Variants in ADSL observed in about 807,000 individuals in gnomAD.
ADSL encodes the protein adenylosuccinase.
A neutral mutation model predicts 62.1 loss-of-function variants in ADSL; 44 were observed. That is an observed-to-expected ratio of 0.71 (90% CI 0.56 to 0.91). The LOEUF is 0.91. Among genes scored for constraint, ADSL ranks in the 40% least tolerant of loss-of-function variants. The pLI, the probability that ADSL is intolerant of heterozygous loss-of-function variation, is 0.00. For synonymous variants in ADSL, 198 were observed against 220.5 expected (o/e 0.90, Z 0.90); for missense variants, 531 against 627.4 (o/e 0.85, Z 1.64).
In ADSL at chr22:40,360,962, A is replaced by G. The variant is rs1400947841; in HGVS notation, c.793-311A>G. ...GTGATCCACCCACCTCAGCCTCCCA[A>G]AATGCTGGGATTACAGGTGTGAGCC... On this transcript the variant is annotated intron_variant, in intron 7 of 12. Coordinates refer to ENST00000623063, the MANE Select transcript of ADSL (RefSeq NM_000026.4). 1.5e-5 allele frequency: 6 copies of G among 406,204 alleles called. No homozygotes were observed. The East Asian group carries it at 3.4e-4, about 23-fold the overall frequency. The allele number at this position is 406,204 out of a possible 1,614,324, so 25.2% of individuals were successfully genotyped here.
intron 4 of ADSL, among the ~76,000 whole-genome samples, chr22:40,356,831 G>A (rs931581721): frequency 1.3e-5 from 2 of 152,140 alleles, no homozygotes; most frequent in African/African-American, 2.4e-5. Context: ...GTGACAGAGT[G>A]AGACCCTGTC....
intron 12 of ADSL, among the ~76,000 whole-genome samples, chr22:40,366,127 T>C (rs2044995874): frequency 6.6e-6 from 1 of 151,856 alleles, no homozygotes; most frequent in African/African-American, 2.4e-5. Context: ...GGTGGCTACT[T>C]GAAGAGGGCT....
At chr22:40,351,183 T>G (rs1044514110) in intron 2 of ADSL, among the ~76,000 whole-genome samples, 7 of 151,902 alleles carry the variant, frequency 4.6e-5, no homozygotes, top group Middle Eastern at 3.2e-3. Flanking sequence ...TTTTTTTTTT[T>G]TTTGGAGACA....
intron 2 of ADSL, among the ~76,000 whole-genome samples, chr22:40,376,705 A>G (rs1039288861): frequency 8.5e-5 from 12 of 141,970 alleles, no homozygotes; most frequent in South Asian, 4.3e-4. Context: ...GTAATTTGCT[A>G]AAGATTGGTG....
chr22:40,357,775 C>CT (rs879780431), intron 4 of ADSL, among the ~76,000 whole-genome samples: 66 of 151,966 alleles, frequency 4.3e-4, no homozygotes, highest in African/African-American at 1.2e-3. Flanking sequence ...AATCTTGTTT[C>CT]TTTTTTTTCA....
At chr22:40,372,733 A>T (rs531713304), downstream of ADSL, 1 of 152,290 alleles carries the variant, frequency 6.6e-6, no homozygotes, top group South Asian at 2.1e-4. Context: ...CCTGGAGTGG[A>T]TGTAGGAACA....
At chr22:40,359,095 C>T in intron 5 of ADSL, 60 bp downstream of exon 5, 1 of 1,606,476 alleles carries the variant, frequency 6.2e-7, no homozygotes, top group Non-Finnish European at 8.5e-7. Flanking sequence ...AGAGACAAGG[C>T]TGCCTTTGAG....
chr22:40,356,032 CAA>C (rs1212379585), intron 4 of ADSL, among the ~76,000 whole-genome samples: 16 of 55,308 alleles, frequency 2.9e-4, no homozygotes, highest in Admixed American at 4.2e-4. Context: ...ACTAAAAATA[CAA>C]AAAAAAAAAA....
intron 2 of ADSL, among the ~76,000 whole-genome samples, chr22:40,350,815 T>A (rs1183209128): frequency 6.6e-6 from 1 of 151,860 alleles, no homozygotes. Flanking sequence ...AGAGAGGGGT[T>A]TTGCCATGTT....
rs570612958 is a variant in ADSL at position 40,368,272 on chromosome 22, A to G, written c.*1750A>G. The G allele has an allele frequency of 2.0e-5, 3 of 152,302 alleles. No individual in the cohort carries two copies. In the South Asian group the frequency reaches 6.2e-4, roughly 32 times the overall value. 9.4% of individuals were successfully genotyped at this position (152,302 alleles called of 1,614,324 possible). ...CTACACTCAATCCCCCAGGTCAGGC[A>G]GAAGCTGGAAGACTGCCTCGTTAGG... On this transcript the variant is annotated 3_prime_UTR_variant, in exon 13 of 13. Coordinates refer to ENST00000623063, the MANE Select transcript of ADSL (RefSeq NM_000026.4).
chr22:40,372,870 T>C (rs2146718299), downstream of ADSL: 1 of 152,374 alleles, frequency 6.6e-6, no homozygotes, highest in South Asian at 2.1e-4. Flanking sequence ...CAGTTTCATC[T>C]GCTTACTCTC....
intron 6 of ADSL, 138 bp downstream of exon 6, chr22:40,359,444 A>G (rs1247041338): frequency 1.9e-6 from 1 of 532,760 alleles, no homozygotes; most frequent in Non-Finnish European, 3.3e-6. Flanking sequence ...TCCTGTCTCT[A>G]TCCTGGGTTT....
Position 40,346,626 on chromosome 22 carries a change from GC to G in ADSL, c.71del (p.Pro24ArgfsTer42). 1 of 1,611,156 alleles carries G rather than the reference GC, an allele frequency of 6.2e-7. No individual in the cohort carries two copies. Among genetic ancestry groups the G allele is most frequent in the Non-Finnish European group, 8.5e-7 (1 of 1,178,928 alleles). On this transcript the variant is annotated frameshift_variant, in exon 1 of 13. Transcript: ENST00000623063. LOFTEE classifies it high-confidence loss of function. Reference sequence around the variant, plus strand: ...TCACCTCTTGCCTCCCGCTATGCCAGCCCGGAGATGTGCTTCGTGTTTAGCG... The same window carrying G: ...TCACCTCTTGCCTCCCGCTATGCCAGCCGGAGATGTGCTTCGTGTTTAGCG... ...YRSPLASRYA[S>X]PEMCFVFSDR...
downstream of ADSL, chr22:40,369,502 CT>C (rs1279589501): frequency 7.0e-6 from 1 of 143,632 alleles, no homozygotes; most frequent in Non-Finnish European, 1.5e-5. Flanking sequence ...ATTCATATAT[CT>C]ATCTTTTATA....
In ADSL at chr22:40,354,345, TTC is replaced by T. The variant is rs1250660756; in HGVS notation, c.482+20_482+21del. 1.9e-6 allele frequency: 3 copies of T among 1,601,230 alleles called. No homozygotes were observed. The South Asian group carries it at 3.3e-5, about 18-fold the overall frequency. The stretch of plus-strand genomic sequence containing the variant: ...CATTTCCAGTAAGTGATAAGATTAC[TTC>T]TTGTTTATGTGCATATGGCTTTCAG... On this transcript the variant is annotated intron_variant, in intron 4 of 12. Coordinates refer to ENST00000623063, the MANE Select transcript of ADSL (RefSeq NM_000026.4).
At chr22:40,377,342 G>A (rs975509620) in intron 2 of ADSL, among the ~76,000 whole-genome samples, 2 of 152,160 alleles carry the variant, frequency 1.3e-5, no homozygotes, top group Non-Finnish European at 2.9e-5. Flanking sequence ...ACAACCACAG[G>A]CTAATTCCTA....
At chr22:40,348,332 C>T (rs1236986062) in intron 1 of ADSL, 1 of 397,500 alleles carries the variant, frequency 2.5e-6, no homozygotes. Flanking sequence ...ATGTGGCTGC[C>T]GAGTACTTGA....
rs2045038102 is a variant in ADSL at position 40,367,400 on chromosome 22, G to A, written c.*878G>A. 6.1e-6 allele frequency: 1 copy of A among 163,764 alleles called. No homozygotes were observed. Among genetic ancestry groups the A allele is most frequent in the South Asian group, 2.1e-4 (1 of 4,838 alleles). 10.1% of individuals were successfully genotyped at this position (163,764 alleles called of 1,614,324 possible). A position where few individuals can be genotyped will look rare whatever the true frequency, so the allele number is the denominator to read the frequency against. On this transcript the variant is annotated 3_prime_UTR_variant, in exon 13 of 13. Coordinates refer to ENST00000623063, the MANE Select transcript of ADSL (RefSeq NM_000026.4). ...GATCCGCCCATCTCAGCCTCCCAAA[G>A]TTCTGGGATTATAGACATGAGCCAC...
intron 7 of ADSL, 36 bp downstream of exon 7, chr22:40,360,528 C>G: frequency 6.9e-7 from 1 of 1,457,528 alleles, no homozygotes; most frequent in Middle Eastern, 1.7e-4. Flanking sequence ...GGGACAGGAG[C>G]TTTGGGCACC....
Sources: gnomAD v4.1 joint callset for allele counts (sites outside exome capture counted in the v4.1 genomes callset) on GRCh38, gnomAD v4.1.1 for gene constraint, MANE v1.5 for transcripts, NCBI Gene and HGNC (gene_info 2026-07-23, HGNC 2026-07-21) for gene names.